Variants in CMIP observed in about 807,000 individuals in gnomAD.
CMIP encodes the protein c-Maf inducing protein, also known as C-Maf-inducing protein.
CMIP carries 13 observed loss-of-function variants against 97.3 expected under a neutral mutation model. The observed-to-expected ratio is 0.13, with a 90% CI of 0.09 to 0.21. CMIP has a LOEUF of 0.21. CMIP is among the 10% of genes least tolerant of loss of function. The probability of loss-of-function intolerance (pLI) is 1.00; values close to 1 mark genes in which losing one functional copy is unlikely to be tolerated. For missense variants in CMIP, 847 were observed against 1,024.9 expected, an observed-to-expected ratio of 0.83 and a Z score of 2.37; for synonymous variants, 538 against 436.3, an observed-to-expected ratio of 1.23 and a Z score of -2.91.
intron 1 of CMIP, among the ~76,000 whole-genome samples, chr16:81,499,676 C>G (rs1171521479): frequency 6.6e-6 from 1 of 152,234 alleles, no homozygotes; most frequent in East Asian, 1.9e-4. Context: ...GCCCGGGGAG[C>G]AGAGGTGGCT....
chr16:81,615,696 T>C (rs1160473359), intron 2 of CMIP, among the ~76,000 whole-genome samples: 1 of 150,254 alleles, frequency 6.7e-6, no homozygotes, highest in East Asian at 2.0e-4. Context: ...TATGTGTCCT[T>C]GTGTGTCGTG....
chr16:81,553,931 C>G (rs989300284), intron 1 of CMIP, among the ~76,000 whole-genome samples: 1 of 152,244 alleles, frequency 6.6e-6, no homozygotes, highest in Admixed American at 6.5e-5. Context: ...CTAACACCCT[C>G]CTAGGCACTG....
chr16:81,584,844 G>A (rs2091354723), intron 1 of CMIP, among the ~76,000 whole-genome samples: 1 of 152,200 alleles, frequency 6.6e-6, no homozygotes, highest in Non-Finnish European at 1.5e-5. Flanking sequence ...GGTTCATGTG[G>A]CTGTGGATGA....
intron 3 of CMIP, among the ~76,000 whole-genome samples, chr16:81,628,454 A>G (rs974433134): frequency 2.0e-5 from 3 of 152,214 alleles, no homozygotes; most frequent in South Asian, 2.1e-4. Flanking sequence ...TGCCTCACTT[A>G]CTCACCTTGG....
chr16:81,515,458 C>T (rs1354428634), intron 1 of CMIP, among the ~76,000 whole-genome samples: 2 of 152,120 alleles, frequency 1.3e-5, no homozygotes, highest in Non-Finnish European at 2.9e-5. Context: ...GGGCGGGCAC[C>T]ACTGGGCTTC....
At chr16:81,538,671 C>T (rs971871885) in intron 1 of CMIP, among the ~76,000 whole-genome samples, 3 of 152,104 alleles carry the variant, frequency 2.0e-5, no homozygotes, top group Non-Finnish European at 2.9e-5. Context: ...CCATTTAAGC[C>T]AAGTCACACT....
At chr16:81,449,364 A>G (rs1433830903) in intron 1 of CMIP, among the ~76,000 whole-genome samples, 1 of 152,182 alleles carries the variant, frequency 6.6e-6, no homozygotes, top group African/African-American at 2.4e-5. Flanking sequence ...AGCCACCTTC[A>G]TTCTCATTGG....
chr16:81,648,077 C>G (rs555131664), intron 3 of CMIP, among the ~76,000 whole-genome samples: 2 of 149,728 alleles, frequency 1.3e-5, no homozygotes, highest in South Asian at 2.2e-4. Flanking sequence ...GTTACCTGGC[C>G]TCCACTCTCA....
Position 81,693,254 on chromosome 16 carries a change from T to A in CMIP, c.1481+70T>A. ...CCTCTGTCCTGAGGTCTTCCCTCCGTGGCCCATGCATTCTGGGAGGCAGTG... is the reference window on the plus strand; with the variant it reads ...CCTCTGTCCTGAGGTCTTCCCTCCGAGGCCCATGCATTCTGGGAGGCAGTG... On this transcript the variant is annotated intron_variant, in intron 12 of 20. Coordinates refer to ENST00000537098, the MANE Select transcript of CMIP (RefSeq NM_198390.3). 2.7e-6 allele frequency: 4 copies of A among 1,490,332 alleles called. No individual in the cohort carries two copies. In the Middle Eastern group the frequency reaches 5.1e-4, roughly 191 times the overall value. 92.3% of individuals were successfully genotyped at this position (1,490,332 alleles called of 1,614,324 possible).
intron 2 of CMIP, among the ~76,000 whole-genome samples, chr16:81,612,999 G>A (rs547007884): frequency 3.5e-4 from 54 of 152,338 alleles, no homozygotes; most frequent in Admixed American, 1.2e-3. Context: ...CAGCTGGAAC[G>A]CAGCCTGGTC....
chr16:81,567,428 C>G (rs1437712627), intron 1 of CMIP, among the ~76,000 whole-genome samples: 2 of 152,224 alleles, frequency 1.3e-5, no homozygotes, highest in African/African-American at 2.4e-5. Context: ...CCCAGGAGCT[C>G]CAAGTCAGGC....
At chr16:81,674,002 A>G (rs1427235444) in intron 9 of CMIP, among the ~76,000 whole-genome samples, 1 of 152,238 alleles carries the variant, frequency 6.6e-6, no homozygotes, top group Non-Finnish European at 1.5e-5. Flanking sequence ...CAAATGCCGT[A>G]CTGCTGAGTT....
At chr16:81,691,933 G>C in intron 11 of CMIP, 93 bp downstream of exon 11, 1 of 1,110,868 alleles carries the variant, frequency 9.0e-7, no homozygotes, top group Admixed American at 1.9e-5. Context: ...TCATGTTATG[G>C]GGAAGCGAAG....
chr16:81,545,864 G>A (rs2090536961), intron 1 of CMIP, among the ~76,000 whole-genome samples: 1 of 152,154 alleles, frequency 6.6e-6, no homozygotes, highest in Non-Finnish European at 1.5e-5. Flanking sequence ...CTGAATGAGC[G>A]AGCACGGGAT....
At chr16:81,452,709 T>G (rs1906295324) in intron 1 of CMIP, among the ~76,000 whole-genome samples, 1 of 152,110 alleles carries the variant, frequency 6.6e-6, no homozygotes, top group African/African-American at 2.4e-5. Context: ...CTGGTACATG[T>G]TCTATGATTG....
intron 1 of CMIP, among the ~76,000 whole-genome samples, chr16:81,540,053 G>A (rs760035604): frequency 2.0e-5 from 3 of 152,172 alleles, no homozygotes; most frequent in Non-Finnish European, 4.4e-5. Context: ...TCTCTAATTT[G>A]CACAGTAATC....
intron 1 of CMIP, among the ~76,000 whole-genome samples, chr16:81,596,092 G>C (rs1408141616): frequency 6.6e-6 from 1 of 152,098 alleles, no homozygotes; most frequent in African/African-American, 2.4e-5. Flanking sequence ...ATCCTAGTGG[G>C]TATGAGTATA....
intron 1 of CMIP, among the ~76,000 whole-genome samples, chr16:81,567,710 C>G (rs554859837): frequency 6.6e-6 from 1 of 152,332 alleles, no homozygotes; most frequent in East Asian, 1.9e-4. Context: ...CCATGCGCTG[C>G]TCCTCTGCTG....
intron 1 of CMIP, among the ~76,000 whole-genome samples, chr16:81,548,721 CTGT>C (rs2090598006): frequency 1.3e-5 from 2 of 152,018 alleles, no homozygotes; most frequent in Non-Finnish European, 2.9e-5. Context: ...TGGTGTGTGC[CTGT>C]AGTCTTAGCT....
Sources: allele counts gnomAD v4.1 joint callset (sites outside exome capture counted in the v4.1 genomes callset), GRCh38; gene constraint gnomAD v4.1.1; transcripts MANE v1.5; gene names NCBI Gene and HGNC (gene_info 2026-07-23, HGNC 2026-07-21).